Variants in MAP6 observed in about 807,000 individuals in gnomAD.
The protein encoded by MAP6 is microtubule associated protein 6, also known as microtubule-associated protein 6.
MAP6 carries 26 observed loss-of-function variants against 42.4 expected under a neutral mutation model. The observed-to-expected ratio is 0.61, with a 90% CI of 0.45 to 0.85. MAP6 has a LOEUF of 0.85. Ranked by LOEUF, MAP6 falls within the 40% of genes least tolerant of loss-of-function variation. The probability of loss-of-function intolerance (pLI) is 0.00; values close to 1 mark genes in which losing one functional copy is unlikely to be tolerated. For missense variants in MAP6, 966 were observed against 1,099.0 expected, an observed-to-expected ratio of 0.88 and a Z score of 1.71; for synonymous variants, 418 against 443.8, an observed-to-expected ratio of 0.94 and a Z score of 0.73.
chr11:75,609,623 C>T (rs546156), intron 1 of MAP6, among the ~76,000 whole-genome samples: 25,860 of 152,200 alleles, frequency 0.17, 2,398 homozygotes, highest in South Asian at 0.24. Flanking sequence ...TTATAATGTC[C>T]TTCTAGCTCT....
intron 1 of MAP6, among the ~76,000 whole-genome samples, chr11:75,648,283 C>T (rs1943594420): frequency 6.6e-6 from 1 of 152,170 alleles, no homozygotes; most frequent in Non-Finnish European, 1.5e-5. Context: ...AGCTTGAGCC[C>T]AGGAGTTCAA....
At chr11:75,640,741 C>G (rs1187689727) in intron 1 of MAP6, among the ~76,000 whole-genome samples, 3 of 152,212 alleles carry the variant, frequency 2.0e-5, no homozygotes, top group Admixed American at 2.0e-4. Flanking sequence ...AAATGCTCAT[C>G]ATCACTGGCC....
chr11:75,604,982 A>C, intron 3 of MAP6: 1 of 985,454 alleles, frequency 1.0e-6, no homozygotes, highest in Non-Finnish European at 1.2e-6. Context: ...TCTTCCTCAG[A>C]CATCTCCAAC....
At chr11:75,619,530 C>A (rs1156628753) in intron 1 of MAP6, among the ~76,000 whole-genome samples, 1 of 152,124 alleles carries the variant, frequency 6.6e-6, no homozygotes, top group East Asian at 1.9e-4. Flanking sequence ...CTGATAGGCC[C>A]CAGTGTGTGC....
At chr11:75,642,849 C>G (rs1463827060) in intron 1 of MAP6, 1 of 479,498 alleles carries the variant, frequency 2.1e-6, no homozygotes, top group African/African-American at 1.9e-5. Flanking sequence ...AAAGGAACAA[C>G]ACACCTAAAT....
Position 75,608,730 on chromosome 11 carries a change from C to A in MAP6, c.906-408G>T, listed in dbSNP as rs557602278. The stretch of plus-strand genomic sequence containing the variant: ...TGAAGAGTTGTGAAATTAAATGAGA[C>A]AATGTATTAGGCACACTGTCTGATA... On this transcript the variant is annotated intron_variant, in intron 1 of 3. Coordinates refer to ENST00000304771, the MANE Select transcript of MAP6 (RefSeq NM_033063.2). Among the ~76,000 whole-genome samples, 4 of 152,314 alleles carry A rather than the reference C, an allele frequency of 2.6e-5. No individual in the cohort carries two copies. The South Asian group carries it at 8.3e-4, about 32-fold the overall frequency.
At chr11:75,604,782 A>G in intron 3 of MAP6, 1 of 985,476 alleles carries the variant, frequency 1.0e-6, no homozygotes, top group Non-Finnish European at 1.2e-6. Context: ...GCAGTCTCCT[A>G]GTCTGCAGCT....
At chr11:75,643,465 G>A (rs1943508709) in intron 1 of MAP6, among the ~76,000 whole-genome samples, 1 of 152,144 alleles carries the variant, frequency 6.6e-6, no homozygotes, top group South Asian at 2.1e-4. Flanking sequence ...GATTAGTAAG[G>A]TGCTTGGCAA....
In MAP6 at chr11:75,587,412, C is replaced by T; in HGVS notation, c.2089G>A (p.Ala697Thr). ...VPEHAKVHDS[A>T]VVAPVKNQGP... The stretch of plus-strand genomic sequence containing the variant: ...TGATTCTTTACAGGTGCCACAACTG[C>T]AGAATCGTGAACCTTTGCATGCTCT... Residue 697 changes from alanine (A) to threonine (T), a missense_variant, in exon 4 of 4, where the codon GCA (alanine) becomes ACA (threonine). Physicochemically the swap from Ala to Thr is moderately conservative, Grantham distance 58 (BLOSUM62 0). This residue lies in a region of MAP6 where 943 missense variants were observed against 1,049.9 expected (regional missense o/e 0.90). Coordinates refer to ENST00000304771, the MANE Select transcript of MAP6 (RefSeq NM_033063.2). The T allele has an allele frequency of 6.2e-7, 1 of 1,614,110 alleles. No homozygotes were observed. Among genetic ancestry groups the T allele is most frequent in the Non-Finnish European group, 8.5e-7 (1 of 1,179,998 alleles).
At chr11:75,663,494 C>T (rs1271163413) in intron 1 of MAP6, among the ~76,000 whole-genome samples, 3 of 152,102 alleles carry the variant, frequency 2.0e-5, no homozygotes, top group Non-Finnish European at 4.4e-5. Flanking sequence ...TTCAACAAAT[C>T]TATATGGCAC....
intron 1 of MAP6, among the ~76,000 whole-genome samples, chr11:75,648,692 C>A (rs560146363): frequency 2.0e-5 from 3 of 151,890 alleles, no homozygotes. Context: ...AGGTAAAAGA[C>A]AAACCACAGA....
At chr11:75,605,421 C>G in intron 3 of MAP6, 1 of 1,002,550 alleles carries the variant, frequency 1.0e-6, no homozygotes, top group African/African-American at 1.7e-5. Context: ...AGTTCAAAAT[C>G]GACCAGTGAC....
intron 1 of MAP6, among the ~76,000 whole-genome samples, chr11:75,664,788 T>C (rs1022727493): frequency 2.0e-5 from 3 of 152,234 alleles, no homozygotes; most frequent in Admixed American, 2.0e-4. Flanking sequence ...GCCAACCATT[T>C]TTTCTTTACA....
intron 1 of MAP6, among the ~76,000 whole-genome samples, chr11:75,624,762 A>G (rs1224083591): frequency 6.6e-6 from 1 of 152,202 alleles, no homozygotes; most frequent in Non-Finnish European, 1.5e-5. Context: ...TTCGAAAGGC[A>G]TGATCACCTT....
chr11:75,598,612 T>C (rs796703051), intron 3 of MAP6, among the ~76,000 whole-genome samples: 4 of 152,352 alleles, frequency 2.6e-5, no homozygotes, highest in African/African-American at 9.6e-5. Context: ...AGACAGTTAA[T>C]AGTCAGAGAA....
chr11:75,626,048 G>A (rs936551352), intron 1 of MAP6, among the ~76,000 whole-genome samples: 1 of 152,046 alleles, frequency 6.6e-6, no homozygotes, highest in African/African-American at 2.4e-5. Flanking sequence ...GACCTCACAC[G>A]TATCACCTCT....
intron 3 of MAP6, chr11:75,604,254 C>T (rs1942718042): frequency 2.0e-6 from 2 of 985,856 alleles, no homozygotes; most frequent in African/African-American, 1.7e-5. Context: ...ACTTCTCACT[C>T]AGCCCCAAGG....
At chr11:75,642,872 C>G (rs1355633881) in intron 1 of MAP6, 1 of 493,076 alleles carries the variant, frequency 2.0e-6, no homozygotes, top group East Asian at 5.5e-5. Context: ...AAGAGGGCAG[C>G]TGTTGCAGCA....
In MAP6 at chr11:75,587,989, G is replaced by A; in HGVS notation, c.1512C>T (p.Val504=). ...CAGGGACCGTGTGATCTTGATCCTT[G>A]ACTGGTAATGGGATCATGGGACCTA... ...KDLGPMIPLP[V]KDQDHTVPEP... is the part of the protein sequence containing the mutation. The change falls in exon 4 of 4, where the codon GTC becomes GTT. Residue 504 remains valine, a synonymous_variant. Transcript: ENST00000304771. 1 of 1,614,148 alleles carries A rather than the reference G, an allele frequency of 6.2e-7. No homozygotes were observed. The highest frequency in any genetic ancestry group is 8.5e-7 in the Non-Finnish European group (1 of 1,180,026).
Sources: allele counts gnomAD v4.1 joint callset (sites outside exome capture counted in the v4.1 genomes callset), GRCh38; gene constraint gnomAD v4.1.1; regional missense constraint gnomAD v4.1.1; transcripts MANE v1.5; gene names NCBI Gene and HGNC (gene_info 2026-07-23, HGNC 2026-07-21).